The following HTT variants were observed in gnomAD, a reference collection of about 807,000 sequenced individuals.
HTT encodes huntington disease protein.
HTT carries 104 observed loss-of-function variants against 362.3 expected under a neutral mutation model. The ratio of observed to expected loss-of-function variants is 0.29; its 90% confidence interval spans 0.24 to 0.34. The LOEUF is 0.34. Ranked by LOEUF, HTT falls within the 10% of genes least tolerant of loss-of-function variation. The pLI, the probability that HTT is intolerant of heterozygous loss-of-function variation, is 1.00. For synonymous variants in HTT, 1,577 were observed against 1,548.7 expected (o/e 1.02, Z -0.43); for missense variants, 3,301 against 3,928.6 (o/e 0.84, Z 4.27).
rs997098837 is a variant in HTT, at chr4:3,235,858, C to T, written c.8785+80C>T. ...AGGAGCATGCTCACTCAAGGGACCT[C>T]GACTAGGTGCCCTCTGATTTCACAC... On this transcript the variant is annotated intron_variant, in intron 63 of 66. Coordinates refer to ENST00000355072, the MANE Select transcript of HTT (RefSeq NM_001388492.1). The T allele has an allele frequency of 3.0e-5, 32 of 1,079,136 alleles. No individual in the cohort carries two copies. In the Admixed American group the frequency reaches 3.8e-4, roughly 13 times the overall value. 66.8% of individuals were successfully genotyped at this position (1,079,136 alleles called of 1,614,324 possible).
chr4:3,142,286 A>C (rs1397611500), intron 22 of HTT, among the ~76,000 whole-genome samples: 32 of 152,214 alleles, frequency 2.1e-4, no homozygotes, highest in Admixed American at 2.1e-3. Context: ...GGCTTTATTC[A>C]AACCACTGGG....
At chr4:3,191,243 G>A (rs1352046417) in intron 40 of HTT, among the ~76,000 whole-genome samples, 6 of 150,842 alleles carry the variant, frequency 4.0e-5, no homozygotes, top group Admixed American at 2.6e-4. Flanking sequence ...GTGCCATCTC[G>A]GCTCACCGCA....
intron 11 of HTT, 60 bp downstream of exon 11, chr4:3,125,689 C>T (rs1715489407): frequency 8.1e-7 from 1 of 1,241,392 alleles, no homozygotes; most frequent in South Asian, 1.2e-5. Context: ...CACCCCTTGC[C>T]CTTCCTGCTC....
At chr4:3,198,374 G>A (rs755613226) in intron 40 of HTT, among the ~76,000 whole-genome samples, 29 of 151,896 alleles carry the variant, frequency 1.9e-4, no homozygotes, top group Admixed American at 8.5e-4. Context: ...ACAGGCACCC[G>A]CCACCACACT....
At chr4:3,186,999 C>G (rs753358396) in intron 38 of HTT, among the ~76,000 whole-genome samples, 5 of 151,720 alleles carry the variant, frequency 3.3e-5, no homozygotes, top group African/African-American at 4.9e-5. Flanking sequence ...GCTGGGACTA[C>G]AAGCGCCCAC....
chr4:3,086,576 C>T (rs932163309), intron 1 of HTT, among the ~76,000 whole-genome samples: 14 of 152,114 alleles, frequency 9.2e-5, no homozygotes, highest in Admixed American at 3.3e-4. Flanking sequence ...GAGGCTGAGA[C>T]GGGAGGATCC....
At chr4:3,114,868 G>A (rs1182703543) in intron 6 of HTT, among the ~76,000 whole-genome samples, 1 of 152,158 alleles carries the variant, frequency 6.6e-6, no homozygotes, top group Non-Finnish European at 1.5e-5. Context: ...ATTTCCGATC[G>A]AAGATGTTCC....
At position 3,215,288 on chromosome 4, in the gene HTT, C is replaced by T. The variant is rs555822864; in HGVS notation, c.7054+77C>T. On this transcript the variant is annotated intron_variant, in intron 51 of 66. Transcript: ENST00000355072. ...AAATCATTCACAGAGACGTGCACCG[C>T]GGTGAGTGTGGACTCCTGGAAGCGC... 8.1e-5 allele frequency: 89 copies of T among 1,104,496 alleles called. 1 individual carries two copies. The highest frequency in any genetic ancestry group is 6.4e-4 in the South Asian group (48 of 74,628). The allele number at this position is 1,104,496 out of a possible 1,614,324, so 68.4% of individuals were successfully genotyped here. A position where few individuals can be genotyped will look rare whatever the true frequency, so the allele number is the denominator to read the frequency against.
chr4:3,116,884 T>C (rs1334054339), intron 8 of HTT, among the ~76,000 whole-genome samples: 1 of 152,224 alleles, frequency 6.6e-6, no homozygotes, highest in Non-Finnish European at 1.5e-5. Context: ...TTTTAAGCAA[T>C]TGGATTTTTT....
chr4:3,214,962 CTGTT>C (rs980538473), intron 50 of HTT, 144 bp from the exon 51 acceptor site: 3 of 627,576 alleles, frequency 4.8e-6, no homozygotes, highest in African/African-American at 3.7e-5. Context: ...CTAGTATTGT[CTGTT>C]TGTCTAAAAT....
chr4:3,133,023 C>A, intron 18 of HTT, 112 bp downstream of exon 18: 1 of 785,734 alleles, frequency 1.3e-6, no homozygotes, highest in South Asian at 1.5e-5. Flanking sequence ...AAAGCTGTAA[C>A]CAGTAATACC....
At chr4:3,116,829 C>T (rs181969722) in intron 8 of HTT, among the ~76,000 whole-genome samples, 12 of 152,326 alleles carry the variant, frequency 7.9e-5, no homozygotes, top group Admixed American at 3.9e-4. Context: ...CTTTGTAGCA[C>T]GCTTACTCAG....
intron 2 of HTT, among the ~76,000 whole-genome samples, chr4:3,094,989 C>G (rs1210310013): frequency 1.3e-5 from 2 of 152,092 alleles, no homozygotes; most frequent in African/African-American, 4.8e-5. Context: ...CAGAGATGCT[C>G]CTCACTTCCT....
In HTT at chr4:3,187,689, T is replaced by C. The variant is rs764818789; in HGVS notation, c.5028T>C (p.Ile1676=). Residue 1676 remains isoleucine (I), a synonymous_variant, in exon 39 of 67, where the codon ATT becomes ATC. Coordinates refer to ENST00000355072, the MANE Select transcript of HTT (RefSeq NM_001388492.1). The stretch of plus-strand genomic sequence containing the variant: ...CTGTTCAACTGTGGATATCGGGAAT[T>C]CTGGCCATTTTGAGGGTTCTGATTT... ...VSTVQLWISG[I]LAILRVLISQ... The C allele has an allele frequency of 1.9e-6, 3 of 1,614,204 alleles. No homozygotes were observed. Among genetic ancestry groups the C allele is most frequent in the Non-Finnish European group, 2.5e-6 (3 of 1,180,010 alleles).
rs1240932492 is a variant in HTT, at chr4:3,140,372, C to T, written c.2799-138C>T. ...ACGCTGTCACGTGCTTGAAGAACGC[C>T]ACCTGAGAAAGGGGGCGAGAAGTGG... On this transcript the variant is annotated intron_variant, in intron 21 of 66. Coordinates refer to ENST00000355072, the MANE Select transcript of HTT (RefSeq NM_001388492.1). 2.6e-5 allele frequency: 17 copies of T among 664,672 alleles called. No individual in the cohort carries two copies. In the East Asian group the frequency reaches 4.1e-4, roughly 16 times the overall value. 41.2% of individuals were successfully genotyped at this position (664,672 alleles called of 1,614,324 possible).
At chr4:3,099,581 G>T (rs1382629733) in intron 3 of HTT, among the ~76,000 whole-genome samples, 187 bp downstream of exon 3, 4 of 150,010 alleles carry the variant, frequency 2.7e-5, no homozygotes, top group Admixed American at 2.7e-4. Flanking sequence ...GTTTGGAGGT[G>T]CTCTATTGTA....
chr4:3,178,342 T>C lies in HTT; in HGVS notation c.4508T>C (p.Leu1503Ser). ...CCAAACATCTTTTTCTTCTTGGTAT[T>C]ACTATCTTATGAACGCTATCATTCA... ...IIPNIFFFLVLLSYERYHSKQ... is the reference protein window; with the variant it reads ...IIPNIFFFLVSLSYERYHSKQ... The change falls in exon 35 of 67, where the codon TTA becomes TCA. Residue 1503 changes from leucine to serine, a missense_variant. This residue lies in a region of HTT where 2,316 missense variants were observed against 2,658.5 expected (regional missense o/e 0.87). Coordinates refer to ENST00000355072, the MANE Select transcript of HTT (RefSeq NM_001388492.1). The C allele has an allele frequency of 6.2e-7, 1 of 1,611,420 alleles. No homozygotes were observed. The highest frequency in any genetic ancestry group is 8.5e-7 in the Non-Finnish European group (1 of 1,177,550).
intron 41 of HTT, among the ~76,000 whole-genome samples, chr4:3,202,283 G>C (rs1181584990): frequency 2.0e-5 from 3 of 152,126 alleles, no homozygotes; most frequent in African/African-American, 7.2e-5. Context: ...AGATTTGGGG[G>C]GGCTTGTGCT....
rs756486722 is a variant in HTT at position 3,173,183 on chromosome 4, C to G, written c.4166+52C>G. On this transcript the variant is annotated intron_variant, in intron 31 of 66. Transcript: ENST00000355072. ...GTTGGTGGAAGCACGAAAGAGCAAG[C>G]AGGAAATACTTTGTAAAAGAATAAA... 2.1e-6 allele frequency: 3 copies of G among 1,419,088 alleles called. No individual in the cohort carries two copies. In the South Asian group the frequency reaches 3.4e-5, roughly 16 times the overall value. 87.9% of individuals were successfully genotyped at this position (1,419,088 alleles called of 1,614,324 possible). A position where few individuals can be genotyped will look rare whatever the true frequency, so the allele number is the denominator to read the frequency against.
Sources: gnomAD v4.1 joint callset for allele counts (sites outside exome capture counted in the v4.1 genomes callset) on GRCh38, gnomAD v4.1.1 for gene constraint, gnomAD v4.1.1 regional missense constraint, MANE v1.5 for transcripts, NCBI Gene and HGNC (gene_info 2026-07-23, HGNC 2026-07-21) for gene names.